The following NAALADL2 variants were observed in gnomAD, a reference collection of about 807,000 sequenced individuals.
NAALADL2 encodes the protein N-acetylated alpha-linked acidic dipeptidase like 2.
Under a neutral mutation model 87.2 loss-of-function variants are expected in NAALADL2, and 76 were observed. That is an observed-to-expected ratio of 0.87 (90% confidence interval 0.72 to 1.05). The LOEUF (loss-of-function observed/expected upper bound fraction) is 1.05. Among genes scored for constraint, NAALADL2 ranks in the 50% least tolerant of loss-of-function variants. The pLI, the probability that NAALADL2 is intolerant of heterozygous loss-of-function variation, is 0.00. For synonymous variants in NAALADL2, 354 were observed against 331.0 expected, an observed-to-expected ratio of 1.07 and a Z score of -0.75; for missense variants, 1,089 against 945.8, an observed-to-expected ratio of 1.15 and a Z score of -1.99.
At chr3:174,746,879 A>G (rs1402779501) in intron 3 of NAALADL2, among the ~76,000 whole-genome samples, 1 of 152,184 alleles carries the variant, frequency 6.6e-6, no homozygotes, top group Non-Finnish European at 1.5e-5. Context: ...AGCCATATGC[A>G]GAAAAGAGAA....
At chr3:174,984,245 A>C (rs1339021509) in intron 1 of NAALADL2, among the ~76,000 whole-genome samples, 1 of 152,248 alleles carries the variant, frequency 6.6e-6, no homozygotes, top group Non-Finnish European at 1.5e-5. Context: ...ACTATATTTT[A>C]GATTTAATCA....
intron 3 of NAALADL2, chr3:175,242,511 TC>T (rs1279835561): frequency 1.3e-5 from 2 of 152,208 alleles, no homozygotes; most frequent in African/African-American, 4.8e-5. Flanking sequence ...AGTTTCACAG[TC>T]TCCAGGAAGA....
At chr3:175,606,747 C>T (rs1476475918) in intron 10 of NAALADL2, among the ~76,000 whole-genome samples, 1 of 152,000 alleles carries the variant, frequency 6.6e-6, no homozygotes, top group African/African-American at 2.4e-5. Context: ...TAAGGAAAAC[C>T]TAGCATACTT....
At chr3:175,451,223 C>T (rs1721518221) in intron 6 of NAALADL2, among the ~76,000 whole-genome samples, 1 of 151,822 alleles carries the variant, frequency 6.6e-6, no homozygotes, top group South Asian at 2.1e-4. Flanking sequence ...CTAACTGATA[C>T]AAATCATAAC....
In NAALADL2 at chr3:174,596,251, C is replaced by G. The variant is rs905059135; in HGVS notation, c.-115+45614C>G. ...GTGAAATTGCTTATGGTAAAGCCAA[C>G]GTGCCAAATGCAATGAGCACAACAA... is the stretch of plus-strand genomic sequence containing the variant. On this transcript the variant is annotated intron_variant, in intron 2 of 3. Coordinates refer to the NAALADL2 transcript ENST00000434257. Among the ~76,000 whole-genome samples, 5 of 152,096 alleles carry G rather than the reference C, an allele frequency of 3.3e-5. No homozygotes were observed. The East Asian group carries it at 9.6e-4, about 29-fold the overall frequency.
At chr3:174,607,062 A>C (rs1719161586) in intron 2 of NAALADL2, among the ~76,000 whole-genome samples, 1 of 152,132 alleles carries the variant, frequency 6.6e-6, no homozygotes, top group Non-Finnish European at 1.5e-5. Context: ...TATCCAGCCA[A>C]ACTAAGCTTC....
At chr3:174,527,327 TG>T (rs1191709915) in intron 1 of NAALADL2, among the ~76,000 whole-genome samples, 33 of 152,034 alleles carry the variant, frequency 2.2e-4, no homozygotes, top group Admixed American at 2.1e-3. Flanking sequence ...GAGAACAGCC[TG>T]GCCAACATGG....
chr3:175,463,535 A>G, intron 7 of NAALADL2, 42 bp downstream of exon 7: 1 of 1,059,128 alleles, frequency 9.4e-7, no homozygotes, highest in Non-Finnish European at 1.4e-6. Context: ...TTTATATGAA[A>G]CTATACAAGG....
At chr3:174,882,639 ATATGTG>A (rs1729447931) in intron 1 of NAALADL2, among the ~76,000 whole-genome samples, 1 of 88,596 alleles carries the variant, frequency 1.1e-5, no homozygotes, top group South Asian at 3.7e-4. Context: ...GCATATACAC[ATATGTG>A]CATATACACA....
chr3:175,316,553 T>A (rs1759166889), intron 4 of NAALADL2, among the ~76,000 whole-genome samples: 1 of 152,104 alleles, frequency 6.6e-6, no homozygotes, highest in Non-Finnish European at 1.5e-5. Flanking sequence ...TAGACCCCCA[T>A]GTAGTCATCG....
chr3:175,187,434 C>T (rs928338291), intron 2 of NAALADL2, among the ~76,000 whole-genome samples: 1 of 152,116 alleles, frequency 6.6e-6, no homozygotes, highest in African/African-American at 2.4e-5. Context: ...TCCAACTTTT[C>T]ATTTATTCAA....
intron 2 of NAALADL2, among the ~76,000 whole-genome samples, chr3:174,623,296 T>A (rs1213121799): frequency 6.6e-6 from 1 of 152,192 alleles, no homozygotes; most frequent in Non-Finnish European, 1.5e-5. Flanking sequence ...TATTACATAA[T>A]ATGTACTAGA....
intron 1 of NAALADL2, among the ~76,000 whole-genome samples, chr3:174,491,801 A>G (rs914238966): frequency 1.3e-5 from 2 of 152,164 alleles, no homozygotes; most frequent in African/African-American, 2.4e-5. Flanking sequence ...CGTTTTCCCA[A>G]AACTTTTGTT....
At chr3:174,543,408 C>A (rs1172091421) in intron 1 of NAALADL2, among the ~76,000 whole-genome samples, 2 of 152,260 alleles carry the variant, frequency 1.3e-5, no homozygotes, top group Non-Finnish European at 2.9e-5. Context: ...TATATTACAA[C>A]AATTAACTCA....
chr3:175,297,127 C>T lies in NAALADL2; in HGVS notation c.940-27048C>T, dbSNP rs116740113. 1.7e-3 allele frequency among the ~76,000 whole-genome samples: 264 copies of T among 152,226 alleles called. 1 individual carries two copies. Among genetic ancestry groups the T allele is most frequent in the African/African-American group, 6.2e-3 (256 of 41,548 alleles). On this transcript the variant is annotated intron_variant, in intron 4 of 13. Transcript: ENST00000454872. ...ATCTATGGCTCCTTTTGTGCTACAG[C>T]AGAAGTCAAGTCGTTACAACAGAGA...
intron 1 of NAALADL2, among the ~76,000 whole-genome samples, chr3:175,083,778 A>G (rs1718339816): frequency 6.6e-6 from 1 of 152,156 alleles, no homozygotes; most frequent in South Asian, 2.1e-4. Flanking sequence ...AATACCTACC[A>G]CCAAACTTGT....
At chr3:175,338,530 G>A (rs1343550109) in intron 5 of NAALADL2, among the ~76,000 whole-genome samples, 1 of 143,278 alleles carries the variant, frequency 7.0e-6, no homozygotes, top group Non-Finnish European at 1.5e-5. Flanking sequence ...CAGTTTTATA[G>A]CAACAGAGGC....
intron 1 of NAALADL2, among the ~76,000 whole-genome samples, chr3:175,094,772 G>C (rs1277650776): frequency 6.6e-6 from 1 of 151,032 alleles, no homozygotes; most frequent in Admixed American, 6.6e-5. Context: ...GTGTGTGTGT[G>C]TGTGTGTGTG....
intron 1 of NAALADL2, among the ~76,000 whole-genome samples, chr3:174,473,166 G>T (rs1437486027): frequency 6.6e-6 from 1 of 152,102 alleles, no homozygotes; most frequent in Non-Finnish European, 1.5e-5. Flanking sequence ...AATAATACTT[G>T]TCTCAGTGAA....
Sources: gnomAD v4.1 joint callset for allele counts (sites outside exome capture counted in the v4.1 genomes callset) on GRCh38, gnomAD v4.1.1 for gene constraint, MANE v1.5 for transcripts, NCBI Gene and HGNC (gene_info 2026-07-23, HGNC 2026-07-21) for gene names.